The following ZFHX4 variants were observed in gnomAD, a reference collection of about 807,000 sequenced individuals.
ZFHX4 encodes zinc finger homeobox 4, also known as zinc finger homeobox protein 4.
In ZFHX4, 56 loss-of-function variants were observed where a neutral mutation model predicts 267.6. That is an observed-to-expected ratio of 0.21 (90% CI 0.17 to 0.26). ZFHX4 has a LOEUF of 0.26. Ranked by LOEUF, ZFHX4 falls within the 10% of genes least tolerant of loss-of-function variation. The pLI, the probability that ZFHX4 is intolerant of heterozygous loss-of-function variation, is 1.00. For synonymous variants in ZFHX4, 1,778 were observed against 1,665.6 expected (o/e 1.07, Z -1.64); for missense variants, 4,332 against 4,420.0 (o/e 0.98, Z 0.56).
chr8:76,865,975 T>A lies in ZFHX4; in HGVS notation c.*1410T>A, dbSNP rs147488334. ...GTTTTGCTTGCCATGAATTTCAACTTCCACCACCCAGTGAATTGATTTATA... is the reference window on the plus strand; with the variant it reads ...GTTTTGCTTGCCATGAATTTCAACTACCACCACCCAGTGAATTGATTTATA... On this transcript the variant is annotated 3_prime_UTR_variant, in exon 11 of 11. Coordinates refer to ENST00000651372, the MANE Select transcript of ZFHX4 (RefSeq NM_024721.5). The A allele has an allele frequency of 1.1e-4, 17 of 152,764 alleles. No individual in the cohort carries two copies. The highest frequency in any genetic ancestry group is 2.5e-4 in the Non-Finnish European group (17 of 68,030). 9.5% of individuals were successfully genotyped at this position (152,764 alleles called of 1,614,324 possible). A position where few individuals can be genotyped will look rare whatever the true frequency, so the allele number is the denominator to read the frequency against.
chr8:76,728,853 T>C (rs934332171), intron 3 of ZFHX4, among the ~76,000 whole-genome samples: 1 of 152,226 alleles, frequency 6.6e-6, no homozygotes, highest in African/African-American at 2.4e-5. Context: ...CTATTAATTA[T>C]TGAAATAAGT....
chr8:76,820,759 T>G (rs1449865984), intron 4 of ZFHX4, among the ~76,000 whole-genome samples: 1 of 152,218 alleles, frequency 6.6e-6, no homozygotes, highest in Admixed American at 6.5e-5. Flanking sequence ...GTTGATAAGT[T>G]TTATTGCTTA....
intron 4 of ZFHX4, among the ~76,000 whole-genome samples, chr8:76,822,254 CA>C (rs1488759256): frequency 1.3e-5 from 2 of 152,060 alleles, no homozygotes; most frequent in African/African-American, 2.4e-5. Flanking sequence ...GACCCATTGG[CA>C]AGTCCTATCT....
chr8:76,825,111 T>C (rs1156325521), intron 4 of ZFHX4, among the ~76,000 whole-genome samples: 1 of 152,210 alleles, frequency 6.6e-6, no homozygotes, highest in Non-Finnish European at 1.5e-5. Context: ...ACATTACTTA[T>C]AAATACAATC....
intron 4 of ZFHX4, among the ~76,000 whole-genome samples, chr8:76,832,519 G>T (rs992984937): frequency 6.6e-6 from 1 of 152,066 alleles, no homozygotes; most frequent in Non-Finnish European, 1.5e-5. Flanking sequence ...GGAATTTGAG[G>T]CATATAGACT....
At chr8:76,794,442 G>A (rs962049505) in intron 4 of ZFHX4, among the ~76,000 whole-genome samples, 1 of 152,100 alleles carries the variant, frequency 6.6e-6, no homozygotes, top group Admixed American at 6.6e-5. Flanking sequence ...ATGTGCTTTG[G>A]AAAGTTCTCT....
chr8:76,854,555 C>T lies in ZFHX4; in HGVS notation c.7634C>T (p.Pro2545Leu), dbSNP rs755097593. Residue 2545 changes from proline to leucine, a missense_variant, in exon 10 of 11, where the codon CCG becomes CTG. By Grantham distance (98) the Pro-to-Leu change is moderately conservative. Transcript: ENST00000651372. ...TACATGATATTTGACCCCAACAATCCGCTGATGACTGGACAACTGCTGGGC... is the reference window on the plus strand; with the variant it reads ...TACATGATATTTGACCCCAACAATCTGCTGATGACTGGACAACTGCTGGGC... ...MPYMIFDPNN[P>L]LMTGQLLGSS... The T allele has an allele frequency of 1.9e-6, 3 of 1,613,732 alleles. No homozygotes were observed. The highest frequency in any genetic ancestry group is 2.5e-6 in the Non-Finnish European group (3 of 1,179,846).
chr8:76,811,650 C>A (rs1032626763), intron 4 of ZFHX4, among the ~76,000 whole-genome samples: 2 of 152,130 alleles, frequency 1.3e-5, no homozygotes, highest in African/African-American at 4.8e-5. Flanking sequence ...CATTGCCCTG[C>A]TTGAAACACC....
At chr8:76,815,602 A>G (rs538121175) in intron 4 of ZFHX4, among the ~76,000 whole-genome samples, 1 of 152,256 alleles carries the variant, frequency 6.6e-6, no homozygotes, top group South Asian at 2.1e-4. Flanking sequence ...CCTGGGCTCA[A>G]GTGATCCTCC....
intron 3 of ZFHX4, among the ~76,000 whole-genome samples, chr8:76,765,496 T>A (rs746569509): frequency 6.6e-6 from 1 of 152,156 alleles, no homozygotes. Context: ...TAGGTTAATA[T>A]ATATTGAATG....
rs13250763 is a variant in ZFHX4 at position 76,705,312 on chromosome 8, G to A, written c.1224G>A (p.Leu408=). ...ITQMPKAEVN[L]GGLSSLVVNT... ...AAATGCCAAAGGCTGAAGTGAATCT[G>A]GGGGGGCTGTCTAGTTTAGTAGTGA... Residue 408 remains leucine, a synonymous_variant, in exon 2 of 11, where the codon CTG becomes CTA. Coordinates refer to ENST00000651372, the MANE Select transcript of ZFHX4 (RefSeq NM_024721.5). 1 of 1,613,922 alleles carries A rather than the reference G, an allele frequency of 6.2e-7. No individual in the cohort carries two copies. The highest frequency in any genetic ancestry group is 2.2e-5 in the East Asian group (1 of 44,872).
rs1227161362 is a variant in ZFHX4 at position 76,853,435 on chromosome 8, G to A, written c.6514G>A (p.Val2172Ile). Residue 2172 changes from valine to isoleucine, a missense_variant, in exon 10 of 11, where the codon GTT (valine) becomes ATT (isoleucine). Val to Ile is a conservative substitution (Grantham distance 29). Transcript: ENST00000651372. Reference sequence around the variant, plus strand: ...AGAGAAATCTGGCCTCTCCCAAAAAGTTATCAAACACTGGTTTAGAAATAC... The same window carrying A: ...AGAGAAATCTGGCCTCTCCCAAAAAATTATCAAACACTGGTTTAGAAATAC... ...MAEKSGLSQKVIKHWFRNTLF... is the reference protein window; with the variant it reads ...MAEKSGLSQKIIKHWFRNTLF... The A allele has an allele frequency of 6.2e-7, 1 of 1,613,806 alleles. No individual in the cohort carries two copies. The highest frequency in any genetic ancestry group is 8.5e-7 in the Non-Finnish European group (1 of 1,179,852).
chr8:76,769,487 C>G (rs183186346), intron 3 of ZFHX4, among the ~76,000 whole-genome samples: 86 of 152,144 alleles, frequency 5.7e-4, no homozygotes, highest in African/African-American at 2.0e-3. Flanking sequence ...GTAGCTAGGA[C>G]TACAGGCAAT....
At chr8:76,762,079 T>C (rs1809929273) in intron 3 of ZFHX4, among the ~76,000 whole-genome samples, 1 of 152,150 alleles carries the variant, frequency 6.6e-6, no homozygotes, top group Non-Finnish European at 1.5e-5. Context: ...ACAGATTGAG[T>C]TGCTTTACAA....
At chr8:76,698,786 A>C (rs567158265) in intron 1 of ZFHX4, among the ~76,000 whole-genome samples, 1 of 152,244 alleles carries the variant, frequency 6.6e-6, no homozygotes, top group South Asian at 2.1e-4. Context: ...TAAAATGCTG[A>C]ATATATTTGG....
rs553217154 is a variant in ZFHX4, at chr8:76,789,651, C to T, written c.3325+11212C>T. Among the ~76,000 whole-genome samples, 12 of 152,154 alleles carry T rather than the reference C, an allele frequency of 7.9e-5. No homozygotes were observed. The East Asian group carries it at 2.3e-3, about 29-fold the overall frequency. On this transcript the variant is annotated intron_variant, in intron 4 of 10. Coordinates refer to ENST00000651372, the MANE Select transcript of ZFHX4 (RefSeq NM_024721.5). ...TTAATCAAATTAGTCAGATAATTACCAAATCTCCATTTCAATTTGTGGATT... is the reference window on the plus strand; with the variant it reads ...TTAATCAAATTAGTCAGATAATTACTAAATCTCCATTTCAATTTGTGGATT...
intron 4 of ZFHX4, among the ~76,000 whole-genome samples, chr8:76,831,029 C>T (rs1226288299): frequency 1.3e-4 from 20 of 152,092 alleles, no homozygotes; most frequent in Admixed American, 7.2e-4. Context: ...TGGTTTCTAA[C>T]TTTGTGACCT....
At chr8:76,729,090 C>T (rs1808930834) in intron 3 of ZFHX4, among the ~76,000 whole-genome samples, 1 of 152,030 alleles carries the variant, frequency 6.6e-6, no homozygotes, top group Non-Finnish European at 1.5e-5. Context: ...TTTGATTGAG[C>T]AAAAATTTGT....
intron 1 of ZFHX4, among the ~76,000 whole-genome samples, chr8:76,694,543 G>A (rs980487406): frequency 1.2e-4 from 19 of 152,208 alleles, no homozygotes; most frequent in African/African-American, 4.6e-4. Context: ...GAACGGAAGG[G>A]ACCTTTAAGA....
Sources: allele counts gnomAD v4.1 joint callset (sites outside exome capture counted in the v4.1 genomes callset), GRCh38; gene constraint gnomAD v4.1.1; transcripts MANE v1.5; gene names NCBI Gene and HGNC (gene_info 2026-07-23, HGNC 2026-07-21).